The following MICU1 variants were observed in gnomAD, a reference collection of about 807,000 sequenced individuals.
MICU1 encodes the protein calcium uptake protein 1, mitochondrial.
Under a neutral mutation model 56.8 loss-of-function variants are expected in MICU1, and 45 were observed. The observed-to-expected ratio is 0.79, with a 90% CI of 0.62 to 1.02. MICU1 has a LOEUF of 1.02. Ranked by LOEUF, MICU1 falls within the 50% of genes least tolerant of loss-of-function variation. The pLI is 0.00. For missense variants in MICU1, 504 were observed against 587.1 expected (o/e 0.86, Z 1.46); for synonymous variants, 186 against 195.1 (o/e 0.95, Z 0.39).
intron 6 of MICU1, among the ~76,000 whole-genome samples, chr10:72,497,216 C>T (rs577063473): frequency 6.6e-6 from 1 of 151,712 alleles, no homozygotes; most frequent in African/African-American, 2.4e-5. Flanking sequence ...CATGCCACTG[C>T]ATCCGGCTAA....
intron 1 of MICU1, among the ~76,000 whole-genome samples, chr10:72,573,770 T>C (rs1421301102): frequency 6.6e-6 from 1 of 152,158 alleles, no homozygotes; most frequent in African/African-American, 2.4e-5. Flanking sequence ...CAGAAGGCAG[T>C]TGTTGCATTC....
intron 6 of MICU1, chr10:72,477,551 C>T: frequency 6.5e-7 from 1 of 1,535,116 alleles, no homozygotes. Flanking sequence ...GAGACACCAT[C>T]TTCTTAGCTT....
chr10:72,426,269 C>G (rs1224057925), intron 8 of MICU1, among the ~76,000 whole-genome samples: 3 of 152,204 alleles, frequency 2.0e-5, no homozygotes, highest in Non-Finnish European at 4.4e-5. Context: ...ATCCGCCTGC[C>G]TTGGCCTCCC....
chr10:72,387,569 G>T (rs1054701677), intron 10 of MICU1, among the ~76,000 whole-genome samples: 2 of 152,124 alleles, frequency 1.3e-5, no homozygotes, highest in Non-Finnish European at 2.9e-5. Context: ...TAGGAACAGA[G>T]AACTTTTTTA....
chr10:72,408,711 G>A (rs1360442347), intron 9 of MICU1, among the ~76,000 whole-genome samples: 1 of 152,212 alleles, frequency 6.6e-6, no homozygotes, highest in Non-Finnish European at 1.5e-5. Context: ...ATCTTAAGAA[G>A]TAAAATCAGA....
chr10:72,531,713 T>A (rs1839489136), intron 5 of MICU1: 1 of 150,326 alleles, frequency 6.7e-6, no homozygotes, highest in South Asian at 2.1e-4. Context: ...CGAGATTCCA[T>A]CTCAAAAAAA....
At chr10:72,394,107 T>C (rs1863168974) in intron 10 of MICU1, among the ~76,000 whole-genome samples, 1 of 151,974 alleles carries the variant, frequency 6.6e-6, no homozygotes, top group African/African-American at 2.4e-5. Flanking sequence ...ATTTGAAGAG[T>C]AATTCAATTA....
chr10:72,515,423 C>T (rs996735333), intron 5 of MICU1, among the ~76,000 whole-genome samples: 1 of 152,228 alleles, frequency 6.6e-6, no homozygotes, highest in East Asian at 1.9e-4. Context: ...TTTTAAAAGG[C>T]ACAGGTGAGT....
chr10:72,489,075 G>GGTTAGGCGTTCAAGACCAGCGTGGCC (rs1174201356), intron 6 of MICU1, among the ~76,000 whole-genome samples: 1 of 152,064 alleles, frequency 6.6e-6, no homozygotes, highest in Non-Finnish European at 1.5e-5. Flanking sequence ...GATCACTTGA[G>GGTTAGGCGTTCAAGACCAGCGTGGCC]GTTAGGCGTT....
At chr10:72,600,648 C>CAAAAAAA (rs71021514) in intron 1 of MICU1, among the ~76,000 whole-genome samples, 20 of 105,294 alleles carry the variant, frequency 1.9e-4, no homozygotes, top group African/African-American at 2.1e-4. Context: ...GACTCCGTCT[C>CAAAAAAA]AAAAAAAAAA....
intron 1 of MICU1, among the ~76,000 whole-genome samples, chr10:72,589,104 A>G (rs757246932): frequency 5.3e-5 from 8 of 152,158 alleles, no homozygotes; most frequent in African/African-American, 7.2e-5. Flanking sequence ...CCTGGCCAAC[A>G]TGGTAAAACC....
chr10:72,409,972 C>G (rs1162972692), intron 9 of MICU1, among the ~76,000 whole-genome samples: 1 of 152,148 alleles, frequency 6.6e-6, no homozygotes, highest in East Asian at 1.9e-4. Context: ...CCTGCCCAAC[C>G]CCTACTGACA....
intron 1 of MICU1, among the ~76,000 whole-genome samples, chr10:72,598,590 C>T (rs1268658878): frequency 6.6e-6 from 1 of 151,970 alleles, no homozygotes; most frequent in East Asian, 1.9e-4. Flanking sequence ...CTGCTAACCC[C>T]TACAGATTAG....
intron 1 of MICU1, among the ~76,000 whole-genome samples, chr10:72,573,074 G>A (rs1840650063): frequency 6.6e-6 from 1 of 151,828 alleles, no homozygotes; most frequent in Non-Finnish European, 1.5e-5. Context: ...AAGAGAGATT[G>A]GTTAAAGTAT....
intron 8 of MICU1, among the ~76,000 whole-genome samples, chr10:72,455,350 CAAA>C (rs56378605): frequency 7.2e-4 from 32 of 44,196 alleles, no homozygotes; most frequent in Admixed American, 2.1e-3. Context: ...GACTCTGTCT[CAAA>C]AAAAAAAAAA....
rs1255480642 is a variant in MICU1, at chr10:72,607,341, C to CA, written c.-2+18668dup. 5.9e-3 allele frequency among the ~76,000 whole-genome samples: 607 copies of CA among 103,748 alleles called. 2 individuals are homozygous for CA. Among genetic ancestry groups the CA allele is most frequent in the African/African-American group, 0.015 (410 of 27,392 alleles). The allele number at this position is 103,748 out of a possible 152,430, so 68.1% of individuals were successfully genotyped here. ...GGGCAACAAGAGTGAAACTCTGTTT[C>CA]AAAAAAAAAAAAAAGGGAGCTGGGC... is the stretch of plus-strand genomic sequence containing the variant. On this transcript the variant is annotated intron_variant, in intron 1 of 11. Coordinates refer to ENST00000361114, the MANE Select transcript of MICU1 (RefSeq NM_001195518.2).
intron 8 of MICU1, among the ~76,000 whole-genome samples, chr10:72,428,468 A>G (rs942704083): frequency 9.2e-5 from 14 of 152,086 alleles, no homozygotes; most frequent in African/African-American, 2.7e-4. Context: ...GCTCACCACC[A>G]TGCCTGGTTA....
chr10:72,386,404 A>C (rs1862889683), intron 10 of MICU1, among the ~76,000 whole-genome samples: 1 of 150,468 alleles, frequency 6.6e-6, no homozygotes, highest in Admixed American at 6.6e-5. Context: ...CTCGTCTTGA[A>C]CTCCTGACCT....
chr10:72,594,639 C>G (rs1287026479), intron 1 of MICU1, among the ~76,000 whole-genome samples: 1 of 152,076 alleles, frequency 6.6e-6, no homozygotes, highest in Non-Finnish European at 1.5e-5. Flanking sequence ...TGGCTCACAT[C>G]TGCAATCCCA....
Sources: allele counts gnomAD v4.1 joint callset (sites outside exome capture counted in the v4.1 genomes callset), GRCh38; gene constraint gnomAD v4.1.1; transcripts MANE v1.5; gene names NCBI Gene and HGNC (gene_info 2026-07-23, HGNC 2026-07-21).